The following PLXNC1 variants were observed in gnomAD, a reference collection of about 807,000 sequenced individuals.
PLXNC1 encodes plexin C1.
Under a neutral mutation model 178.2 loss-of-function variants are expected in PLXNC1, and 75 were observed. That is an observed-to-expected ratio of 0.42 (90% CI 0.35 to 0.51). The LOEUF (loss-of-function observed/expected upper bound fraction) is 0.51. Among genes scored for constraint, PLXNC1 ranks in the 20% least tolerant of loss-of-function variants. PLXNC1 has a pLI of 0.02. For synonymous variants in PLXNC1, 790 were observed against 779.9 expected (o/e 1.01, Z -0.22); for missense variants, 1,503 against 1,984.4 (o/e 0.76, Z 4.61).
rs184839011 is a variant in PLXNC1, at chr12:94,257,544, C to G, written c.3088-1793C>G. Among the ~76,000 whole-genome samples the G allele has an allele frequency of 2.4e-3, 361 of 152,192 alleles. 1 individual carries two copies. Among genetic ancestry groups the G allele is most frequent in the African/African-American group, 8.2e-3 (342 of 41,522 alleles). Reference sequence around the variant, plus strand: ...ATCCCAGCACTTTGGGAGGCCGAGGCGGGTGGATCACTTGAGGTCAGGAGT... The same window carrying G: ...ATCCCAGCACTTTGGGAGGCCGAGGGGGGTGGATCACTTGAGGTCAGGAGT... On this transcript the variant is annotated intron_variant, in intron 17 of 30. Coordinates refer to ENST00000258526, the MANE Select transcript of PLXNC1 (RefSeq NM_005761.3).
intron 4 of PLXNC1, among the ~76,000 whole-genome samples, chr12:94,189,564 C>G (rs1339356726): frequency 6.6e-6 from 1 of 152,036 alleles, no homozygotes. Context: ...CTTCTGGTCC[C>G]AGCTACTCGG....
intron 1 of PLXNC1, among the ~76,000 whole-genome samples, chr12:94,152,403 A>G (rs941765722): frequency 7.2e-5 from 11 of 152,226 alleles, no homozygotes; most frequent in Non-Finnish European, 1.6e-4. Flanking sequence ...GCTGGGTGCC[A>G]CTGATTTTGC....
chr12:94,230,317 G>T (rs918897150), intron 9 of PLXNC1, among the ~76,000 whole-genome samples: 2 of 152,058 alleles, frequency 1.3e-5, no homozygotes, highest in Non-Finnish European at 1.5e-5. Flanking sequence ...TCCAGGCAGC[G>T]GCTTTTTAAA....
intron 23 of PLXNC1, 49 bp downstream of exon 23, chr12:94,282,450 GT>G (rs1372730544): frequency 8.3e-7 from 1 of 1,209,792 alleles, no homozygotes. Context: ...CCCAATCCTA[GT>G]CCCATGGACA....
chr12:94,241,293 T>C (rs1964382384), intron 11 of PLXNC1, among the ~76,000 whole-genome samples: 1 of 152,240 alleles, frequency 6.6e-6, no homozygotes, highest in Admixed American at 6.5e-5. Flanking sequence ...AGTGAATATG[T>C]AATCATCAAA....
chr12:94,294,563 C>G (rs1299685977), intron 24 of PLXNC1, 23 bp downstream of exon 24: 2 of 1,050,212 alleles, frequency 1.9e-6, no homozygotes, highest in South Asian at 2.6e-5. Context: ...ATATTGTTAA[C>G]CTTTTGTTCT....
chr12:94,288,893 G>C (rs1966979278), intron 23 of PLXNC1, among the ~76,000 whole-genome samples: 1 of 152,194 alleles, frequency 6.6e-6, no homozygotes, highest in South Asian at 2.1e-4. Flanking sequence ...GAGTTTCTGT[G>C]TAGTGATTTG....
intron 1 of PLXNC1, among the ~76,000 whole-genome samples, chr12:94,158,825 G>A (rs1051800413): frequency 6.2e-4 from 95 of 152,230 alleles, no homozygotes; most frequent in African/African-American, 2.0e-3. Flanking sequence ...ACCAAGCGCT[G>A]GGAACATGGG....
chr12:94,216,128 C>T (rs1157295577), intron 5 of PLXNC1, among the ~76,000 whole-genome samples: 2 of 151,920 alleles, frequency 1.3e-5, no homozygotes, highest in African/African-American at 2.4e-5. Flanking sequence ...ATTAGCCAGG[C>T]GTGGTGGCAG....
chr12:94,232,497 T>C (rs978373117), intron 9 of PLXNC1, among the ~76,000 whole-genome samples: 8 of 152,232 alleles, frequency 5.3e-5, no homozygotes, highest in African/African-American at 1.9e-4. Flanking sequence ...TATACCTTGC[T>C]GAGTAGCTTC....
chr12:94,245,451 C>T (rs571364483), intron 12 of PLXNC1, among the ~76,000 whole-genome samples: 4 of 152,164 alleles, frequency 2.6e-5, no homozygotes, highest in South Asian at 2.1e-4. Flanking sequence ...GAGGCCAAGG[C>T]GGGAAGACTG....
At chr12:94,282,276 G>T (rs1281816665) in intron 22 of PLXNC1, 22 bp from the exon 23 acceptor site, 1 of 1,552,262 alleles carries the variant, frequency 6.4e-7, no homozygotes, top group Non-Finnish European at 8.9e-7. Flanking sequence ...TCTCTAAAAA[G>T]GAACAAAATG....
chr12:94,303,732 CTTTTTT>C lies in PLXNC1; in HGVS notation c.4387-12_4387-7del. On this transcript the variant is annotated intron_variant, in intron 28 of 30. Coordinates refer to ENST00000258526, the MANE Select transcript of PLXNC1 (RefSeq NM_005761.3). ...TTTTTTACTCTTTTGGTGATGGTTG[CTTTTTT>C]TTTTTTTTTTTCCCCAGGAAGCACC... 69 of 843,346 alleles carry C rather than the reference CTTTTTT, an allele frequency of 8.2e-5. No homozygotes were observed. The highest frequency in any genetic ancestry group is 3.2e-4 in the Middle Eastern group (1 of 3,170). 52.2% of individuals were successfully genotyped at this position (843,346 alleles called of 1,614,324 possible).
rs1313858758 is a variant in PLXNC1, at chr12:94,212,490, G to A, written c.1554+2786G>A. On this transcript the variant is annotated intron_variant, in intron 5 of 30. Coordinates refer to ENST00000258526, the MANE Select transcript of PLXNC1 (RefSeq NM_005761.3). ...TCCCTCCCCCAGCCCCCCACCCCCC[G>A]GCAGGCCCCGGTGTGTGATGTTCCC... Among the ~76,000 whole-genome samples the A allele has an allele frequency of 2.0e-4, 9 of 45,870 alleles. No individual in the cohort carries two copies. In the East Asian group the frequency reaches 3.2e-3, roughly 16 times the overall value. The allele number at this position is 45,870 out of a possible 152,430, so 30.1% of individuals were successfully genotyped here.
chr12:94,157,747 C>T (rs976175002), intron 1 of PLXNC1, among the ~76,000 whole-genome samples: 1 of 152,290 alleles, frequency 6.6e-6, no homozygotes, highest in Admixed American at 6.5e-5. Flanking sequence ...TCAGCAAACT[C>T]TTTCTGTAAA....
At chr12:94,192,062 T>C (rs1264037233) in intron 4 of PLXNC1, among the ~76,000 whole-genome samples, 1 of 152,204 alleles carries the variant, frequency 6.6e-6, no homozygotes, top group Non-Finnish European at 1.5e-5. Context: ...CATTTGCAAG[T>C]TTGTTTGGCA....
At chr12:94,151,765 T>C (rs1379921888) in intron 1 of PLXNC1, among the ~76,000 whole-genome samples, 1 of 152,236 alleles carries the variant, frequency 6.6e-6, no homozygotes, top group Non-Finnish European at 1.5e-5. Flanking sequence ...AACATTTCTC[T>C]TGACTGCGTC....
rs1960822028 is a variant in PLXNC1 at position 94,148,788 on chromosome 12, G to A, written c.-184G>A. 6.6e-6 allele frequency: 1 copy of A among 151,566 alleles called. No homozygotes were observed. The highest frequency in any genetic ancestry group is 1.5e-5 in the Non-Finnish European group (1 of 67,628). 9.4% of individuals were successfully genotyped at this position (151,566 alleles called of 1,614,324 possible). A position where few individuals can be genotyped will look rare whatever the true frequency, so the allele number is the denominator to read the frequency against. On this transcript the variant is annotated 5_prime_UTR_variant, in exon 1 of 31. Transcript: ENST00000258526. The surrounding 1 kb of genome is among the most constrained non-coding windows in gnomAD (Gnocchi z 4.8). ...CGCCACCGCCGCTGCACAGGCTGCC[G>A]GAGCGAGCCTGCCGCGCGCCGCCCT...
chr12:94,272,488 G>A (rs1458075281), intron 21 of PLXNC1: 1 of 152,248 alleles, frequency 6.6e-6, no homozygotes, highest in Non-Finnish European at 1.5e-5. Flanking sequence ...AACATGTCCT[G>A]ACTCTGAGCT....
Sources: gnomAD v4.1 joint callset for allele counts (sites outside exome capture counted in the v4.1 genomes callset) on GRCh38, gnomAD v4.1.1 for gene constraint, Gnocchi (gnomAD v3.1) non-coding constraint, MANE v1.5 for transcripts, NCBI Gene and HGNC (gene_info 2026-07-23, HGNC 2026-07-21) for gene names.